The following SLC47A1 variants were observed in gnomAD, a reference collection of about 807,000 sequenced individuals.
SLC47A1 encodes the protein multidrug and toxin extrusion protein 1.
A neutral mutation model predicts 65.8 loss-of-function variants in SLC47A1; 58 were observed. The ratio of observed to expected loss-of-function variants is 0.88; its 90% CI spans 0.71 to 1.10. The LOEUF is 1.10. Ranked by LOEUF, SLC47A1 falls within the 50% of genes least tolerant of loss-of-function variation. The pLI, the probability that SLC47A1 is intolerant of heterozygous loss-of-function variation, is 0.00. For synonymous variants in SLC47A1, 285 were observed against 295.0 expected (o/e 0.97, Z 0.35); for missense variants, 706 against 719.2 (o/e 0.98, Z 0.21).
rs772384245 is a variant in SLC47A1 at position 19,551,405 on chromosome 17, C to T, written c.499-19C>T. 6.3e-7 allele frequency: 1 copy of T among 1,591,124 alleles called. No individual in the cohort carries two copies. The highest frequency in any genetic ancestry group is 8.6e-7 in the Non-Finnish European group (1 of 1,159,022). ...GCAAGGCTGAAACATTAACATTCAT[C>T]TCTCTTGTTCTCTTGTAGGCAACCT... On this transcript the variant is annotated intron_variant, in intron 5 of 16. Transcript: ENST00000270570.
chr17:19,554,448 A>G (rs1427722991), intron 6 of SLC47A1, among the ~76,000 whole-genome samples: 1 of 152,214 alleles, frequency 6.6e-6, no homozygotes, highest in Non-Finnish European at 1.5e-5. Flanking sequence ...TTTTACTGAA[A>G]TGATTTCAAA....
intron 2 of SLC47A1, among the ~76,000 whole-genome samples, chr17:19,546,099 A>T (rs1916283752): frequency 1.3e-5 from 2 of 152,148 alleles, no homozygotes; most frequent in African/African-American, 4.8e-5. Flanking sequence ...GCACTCCTGT[A>T]GTCCCAGCTA....
In SLC47A1 at chr17:19,534,071, C is replaced by G. The variant is rs761333446; in HGVS notation, c.132C>G (p.Pro44=). 2.6e-6 allele frequency: 4 copies of G among 1,538,560 alleles called. No homozygotes were observed. Among genetic ancestry groups the G allele is most frequent in the Non-Finnish European group, 3.5e-6 (4 of 1,142,912 alleles). The change falls in exon 1 of 17, where the codon CCC becomes CCG. Residue 44 remains proline, a synonymous_variant. Transcript: ENST00000270570. Reference sequence around the variant, plus strand: ...GGGCGCTCTTGGTCCTGGCTGGCCCCGCGGTGAGTAAGGTGGCCTCAGTGG... The same window carrying G: ...GGGCGCTCTTGGTCCTGGCTGGCCCGGCGGTGAGTAAGGTGGCCTCAGTGG... ...ELRALLVLAG[P]AFLVQLMVFL... is the part of the protein sequence containing the mutation.
chr17:19,558,240 G>T (rs973920641), intron 10 of SLC47A1, among the ~76,000 whole-genome samples: 6 of 152,070 alleles, frequency 3.9e-5, no homozygotes, highest in African/African-American at 1.4e-4. Flanking sequence ...CGTCTTTCTT[G>T]ACCTTGGCAT....
chr17:19,565,975 C>T (rs1402369353), intron 12 of SLC47A1, among the ~76,000 whole-genome samples: 6 of 152,270 alleles, frequency 3.9e-5, no homozygotes, highest in Middle Eastern at 3.4e-3. Context: ...TCTCACGTCC[C>T]GCCTGGGACA....
intron 1 of SLC47A1, chr17:19,535,287 T>C (rs1395517831): frequency 1.3e-5 from 2 of 151,636 alleles, no homozygotes; most frequent in East Asian, 1.9e-4. Context: ...ATACAAAAAT[T>C]AGCCAGACGT....
At chr17:19,546,717 A>G (rs949494101) in intron 3 of SLC47A1, among the ~76,000 whole-genome samples, 3 of 152,092 alleles carry the variant, frequency 2.0e-5, no homozygotes, top group African/African-American at 2.4e-5. Flanking sequence ...GCCTTACCCT[A>G]TATTTTGATC....
chr17:19,544,525 G>C lies in SLC47A1; in HGVS notation c.238-1910G>C, dbSNP rs372065448. ...AGATGGGGAGCACATCAGACATCCT[G>C]TGATACCACTCCCTGGTTTGGGGGG... On this transcript the variant is annotated intron_variant, in intron 2 of 16. Coordinates refer to ENST00000270570, the MANE Select transcript of SLC47A1 (RefSeq NM_018242.3). Among the ~76,000 whole-genome samples, 14 of 152,192 alleles carry C rather than the reference G, an allele frequency of 9.2e-5. 1 individual carries two copies. The East Asian group carries it at 2.1e-3, about 23-fold the overall frequency.
At chr17:19,555,962 G>C (rs113610551) in intron 9 of SLC47A1, 33 bp from the exon 10 acceptor site, 3 of 1,614,054 alleles carry the variant, frequency 1.9e-6, no homozygotes, top group African/African-American at 2.7e-5. Flanking sequence ...GGCCCTGTCT[G>C]GGTGCAAGGC....
chr17:19,562,818 C>T (rs997149108), intron 12 of SLC47A1, among the ~76,000 whole-genome samples: 2 of 152,108 alleles, frequency 1.3e-5, no homozygotes, highest in African/African-American at 4.8e-5. Context: ...ACATCAGAAA[C>T]TCAACAATCA....
At chr17:19,559,533 TTTTA>T (rs1381463388) in intron 10 of SLC47A1, among the ~76,000 whole-genome samples, 1 of 152,024 alleles carries the variant, frequency 6.6e-6, no homozygotes, top group Non-Finnish European at 1.5e-5. Context: ...ATTTATTTTA[TTTTA>T]TTTATTTATT....
chr17:19,562,914 C>T (rs67238751), intron 12 of SLC47A1, among the ~76,000 whole-genome samples: 27,334 of 151,804 alleles, frequency 0.18, 2,825 homozygotes, highest in East Asian at 0.43. Flanking sequence ...TCACAGGGGG[C>T]GGGAAACGGC....
intron 10 of SLC47A1, among the ~76,000 whole-genome samples, chr17:19,559,701 T>C (rs1197139976): frequency 6.6e-6 from 1 of 152,016 alleles, no homozygotes; most frequent in Non-Finnish European, 1.5e-5. Context: ...CCAGCTAAGT[T>C]TTGTATTTTT....
chr17:19,556,249 G>C (rs2440150), intron 10 of SLC47A1, among the ~76,000 whole-genome samples, 187 bp downstream of exon 10: 99,422 of 152,118 alleles, frequency 0.65, 32,776 homozygotes, highest in East Asian at 0.93. Flanking sequence ...GGAACTGAAG[G>C]GGGGCTGGAG....
Position 19,577,430 on chromosome 17 carries a change from T to C in SLC47A1, c.1590T>C (p.His530=). 1 of 1,614,152 alleles carries C rather than the reference T, an allele frequency of 6.2e-7. No homozygotes were observed. The highest frequency in any genetic ancestry group is 8.5e-7 in the Non-Finnish European group (1 of 1,180,028). Residue 530 remains histidine, a synonymous_variant, in exon 17 of 17, where the codon CAT becomes CAC. Transcript: ENST00000270570. ...QMRQEEPLPE[H]PQDGAKLSRK... is the part of the protein sequence containing the mutation. ...GCCAAGAAGAACCTTTGCCGGAACA[T>C]CCACAGGACGGCGCTAAATTGTCCA...
chr17:19,542,080 G>A (rs988916706), intron 1 of SLC47A1, among the ~76,000 whole-genome samples: 1 of 152,058 alleles, frequency 6.6e-6, no homozygotes, highest in Non-Finnish European at 1.5e-5. Flanking sequence ...AGCCAAGATC[G>A]CGCCACTGCA....
In SLC47A1 at chr17:19,548,038, G is replaced by T. The variant is rs35448501; in HGVS notation, c.360G>T (p.Ala120=). The part of the protein sequence containing the change: ...KHVGVILQRS[A]LVLLLCCFPC... The stretch of plus-strand genomic sequence containing the variant: ...TGGGCGTGATCCTGCAGCGGAGTGC[G>T]CTCGTCCTGCTCCTCTGCTGCTTCC... The change falls in exon 4 of 17, where the codon GCG becomes GCT. Residue 120 remains alanine (A), a synonymous_variant. Transcript: ENST00000270570. 1.2e-6 allele frequency: 2 copies of T among 1,613,950 alleles called. No homozygotes were observed. Among genetic ancestry groups the T allele is most frequent in the Admixed American group, 1.7e-5 (1 of 59,998 alleles).
chr17:19,556,559 A>ATT (rs35618722), intron 10 of SLC47A1, among the ~76,000 whole-genome samples: 90,352 of 141,072 alleles, frequency 0.64, 29,526 homozygotes, highest in East Asian at 0.99. Flanking sequence ...TCTTAAAGGG[A>ATT]TTTTTTTTTT....
chr17:19,534,254 C>A, intron 1 of SLC47A1, 180 bp downstream of exon 1: 2 of 737,196 alleles, frequency 2.7e-6, no homozygotes, highest in South Asian at 2.8e-5. Flanking sequence ...GCGTCCCGGC[C>A]GCTTTCCGCT....
Sources: allele counts gnomAD v4.1 joint callset (sites outside exome capture counted in the v4.1 genomes callset), GRCh38; gene constraint gnomAD v4.1.1; transcripts MANE v1.5; gene names NCBI Gene and HGNC (gene_info 2026-07-23, HGNC 2026-07-21).